The following FAM78B variants were observed in gnomAD, a reference collection of about 807,000 sequenced individuals.
The protein encoded by FAM78B is protein FAM78B.
A neutral mutation model predicts 20.0 loss-of-function variants in FAM78B; 10 were observed. That is an observed-to-expected ratio of 0.50 (90% CI 0.31 to 0.85). FAM78B has a LOEUF of 0.85. FAM78B is among the 40% of genes least tolerant of loss of function. FAM78B has a pLI of 0.05. For missense variants in FAM78B, 283 were observed against 345.0 expected (o/e 0.82, Z 1.42); for synonymous variants, 135 against 132.8 (o/e 1.02, Z -0.12).
chr1:166,141,213 G>A (rs979477646), intron 1 of FAM78B, among the ~76,000 whole-genome samples: 1 of 152,186 alleles, frequency 6.6e-6, no homozygotes, highest in Non-Finnish European at 1.5e-5. Context: ...AATGTGCAAC[G>A]TACATAGGTC....
intron 1 of FAM78B, among the ~76,000 whole-genome samples, chr1:166,088,634 G>A (rs1356643689): frequency 6.6e-6 from 1 of 152,182 alleles, no homozygotes. Flanking sequence ...CAGGCCTCAC[G>A]GACTGGCATA....
chr1:166,127,212 C>A (rs1389283405), intron 1 of FAM78B, among the ~76,000 whole-genome samples: 1 of 152,152 alleles, frequency 6.6e-6, no homozygotes, highest in Non-Finnish European at 1.5e-5. Flanking sequence ...GCTTGCAGTT[C>A]CTCTTTCATT....
chr1:166,104,184 G>A (rs1392342357), intron 1 of FAM78B, among the ~76,000 whole-genome samples: 1 of 152,106 alleles, frequency 6.6e-6, no homozygotes, highest in African/African-American at 2.4e-5. Context: ...CAATAAATTA[G>A]GTATTGATGG....
At chr1:166,156,164 C>T (rs1271349201) in intron 1 of FAM78B, among the ~76,000 whole-genome samples, 2 of 152,234 alleles carry the variant, frequency 1.3e-5, no homozygotes, top group Non-Finnish European at 2.9e-5. Flanking sequence ...GCGAGGCAGG[C>T]CTCGCACAGT....
intron 1 of FAM78B, among the ~76,000 whole-genome samples, chr1:166,103,404 T>C (rs950764941): frequency 6.2e-4 from 94 of 152,198 alleles, no homozygotes; most frequent in African/African-American, 2.1e-3. Context: ...AAAAAATCAA[T>C]GAATCCAGGA....
chr1:166,061,945 C>T (rs865955344), intron 2 of FAM78B, among the ~76,000 whole-genome samples: 3 of 152,194 alleles, frequency 2.0e-5, no homozygotes, highest in Admixed American at 6.5e-5. Context: ...AGTCACATCA[C>T]CACAATGACT....
chr1:166,092,865 CT>C (rs1228012027), intron 1 of FAM78B, among the ~76,000 whole-genome samples: 2 of 152,280 alleles, frequency 1.3e-5, no homozygotes, highest in East Asian at 3.9e-4. Flanking sequence ...GAATAAGTCA[CT>C]TGTTAAATCC....
intron 1 of FAM78B, among the ~76,000 whole-genome samples, chr1:166,090,341 C>CA (rs1458093594): frequency 6.6e-6 from 1 of 152,228 alleles, no homozygotes; most frequent in African/African-American, 2.4e-5. Context: ...CACACACTGA[C>CA]ACATGAACCT....
chr1:166,058,742 G>A (rs1469451640), exon 3 of FAM78B: 1 of 152,530 alleles, frequency 6.6e-6, no homozygotes, highest in African/African-American at 2.4e-5. Context: ...TGTAGACAGT[G>A]TGTGCACATG....
At chr1:166,107,931 C>CA (rs1336091267) in intron 1 of FAM78B, among the ~76,000 whole-genome samples, 3 of 152,066 alleles carry the variant, frequency 2.0e-5, no homozygotes, top group Admixed American at 1.3e-4. Context: ...AAGCATTTGA[C>CA]AAAATCCAGC....
intron 1 of FAM78B, among the ~76,000 whole-genome samples, chr1:166,139,042 T>C (rs918531690): frequency 3.9e-5 from 6 of 152,212 alleles, no homozygotes; most frequent in African/African-American, 9.6e-5. Context: ...CTTTGTCACA[T>C]TGGGGTGTTC....
intron 1 of FAM78B, among the ~76,000 whole-genome samples, chr1:166,093,520 A>G (rs1298288331): frequency 6.6e-6 from 1 of 152,206 alleles, no homozygotes; most frequent in Non-Finnish European, 1.5e-5. Context: ...CTATAGGACC[A>G]TGGATCCCCA....
chr1:166,086,649 T>C (rs894696713), intron 1 of FAM78B, among the ~76,000 whole-genome samples: 44 of 152,186 alleles, frequency 2.9e-4, no homozygotes, highest in Non-Finnish European at 1.0e-4. Context: ...CACTGCATGC[T>C]GAGTAGGGCA....
chr1:166,139,631 C>A (rs541063871), intron 1 of FAM78B, among the ~76,000 whole-genome samples: 45 of 152,214 alleles, frequency 3.0e-4, no homozygotes, highest in African/African-American at 1.0e-3. Flanking sequence ...CAAGACCACA[C>A]GCATCTGGGA....
At chr1:166,164,607 C>T (rs1004980606) in intron 1 of FAM78B, among the ~76,000 whole-genome samples, 5 of 152,050 alleles carry the variant, frequency 3.3e-5, no homozygotes, top group African/African-American at 1.2e-4. Flanking sequence ...GAGAAAAGTG[C>T]AAAATCTTTG....
At chr1:166,109,454 A>G (rs1046412597) in intron 1 of FAM78B, among the ~76,000 whole-genome samples, 1 of 152,140 alleles carries the variant, frequency 6.6e-6, no homozygotes, top group Non-Finnish European at 1.5e-5. Flanking sequence ...CAAAACCACA[A>G]TGTGGTATCA....
At chr1:166,114,294 G>C (rs1402947003) in intron 1 of FAM78B, among the ~76,000 whole-genome samples, 1 of 152,236 alleles carries the variant, frequency 6.6e-6, no homozygotes, top group Non-Finnish European at 1.5e-5. Flanking sequence ...CTCAGGGAAG[G>C]AGGGTGCCCT....
chr1:166,156,086 C>A (rs1039125469), intron 1 of FAM78B, among the ~76,000 whole-genome samples: 2 of 152,246 alleles, frequency 1.3e-5, no homozygotes, highest in Non-Finnish European at 2.9e-5. Context: ...AGAGCCTGTG[C>A]CGGACACAGG....
At chr1:166,109,890 G>GTATATATATATA (rs1200752162) in intron 1 of FAM78B, among the ~76,000 whole-genome samples, 4 of 23,194 alleles carry the variant, frequency 1.7e-4, no homozygotes, top group Non-Finnish European at 4.6e-4. Flanking sequence ...ATGTATATAT[G>GTATATATATATA]TATATATATA....
Sources: gnomAD v4.1 joint callset for allele counts (sites outside exome capture counted in the v4.1 genomes callset) on GRCh38, gnomAD v4.1.1 for gene constraint, MANE v1.5 for transcripts, NCBI Gene and HGNC (gene_info 2026-07-23, HGNC 2026-07-21) for gene names.